The following RIN2 variants were observed in gnomAD, a reference collection of about 807,000 sequenced individuals.
The protein encoded by RIN2 is RAB5 interacting protein 2.
A neutral mutation model predicts 78.0 loss-of-function variants in RIN2; 36 were observed. That is an observed-to-expected ratio of 0.46 (90% CI 0.35 to 0.61). The LOEUF (loss-of-function observed/expected upper bound fraction) is 0.61, where lower values mean the gene tolerates loss of function less well. Among genes scored for constraint, RIN2 ranks in the 20% least tolerant of loss-of-function variants. The probability of loss-of-function intolerance (pLI) is 0.00; values close to 1 mark genes in which losing one functional copy is unlikely to be tolerated. For synonymous variants in RIN2, 466 were observed against 466.8 expected, an observed-to-expected ratio of 1.00 and a Z score of 0.02; for missense variants, 1,087 against 1,159.7, an observed-to-expected ratio of 0.94 and a Z score of 0.91.
At chr20:19,805,207 C>A (rs2035367897) in intron 2 of RIN2, among the ~76,000 whole-genome samples, 1 of 152,078 alleles carries the variant, frequency 6.6e-6, no homozygotes, top group Admixed American at 6.6e-5. Context: ...GGCAGGGATG[C>A]CCTGAAGCAC....
At chr20:19,841,375 A>T (rs1282903733) in intron 2 of RIN2, among the ~76,000 whole-genome samples, 2 of 152,096 alleles carry the variant, frequency 1.3e-5, no homozygotes, top group Admixed American at 1.3e-4. Flanking sequence ...TATTGAAGTG[A>T]ATTAAATCTA....
intron 1 of RIN2, among the ~76,000 whole-genome samples, 192 bp downstream of exon 1, chr20:19,758,519 G>A (rs2033479229): frequency 6.6e-6 from 1 of 152,218 alleles, no homozygotes; most frequent in Admixed American, 6.5e-5. Context: ...GAACGGAAGG[G>A]GGAAGGGGGA....
intron 4 of RIN2, among the ~76,000 whole-genome samples, chr20:19,947,660 A>G (rs1216618050): frequency 6.6e-6 from 1 of 152,266 alleles, no homozygotes; most frequent in African/African-American, 2.4e-5. Context: ...TTGTTTTCAT[A>G]AAAGTCTAGG....
At chr20:19,865,146 A>G (rs145675454) in intron 2 of RIN2, among the ~76,000 whole-genome samples, 21 of 152,324 alleles carry the variant, frequency 1.4e-4, no homozygotes, top group African/African-American at 5.1e-4. Context: ...TACTCCAACC[A>G]TAATCATCTT....
At chr20:19,816,647 G>T (rs534438737) in intron 2 of RIN2, among the ~76,000 whole-genome samples, 6 of 152,200 alleles carry the variant, frequency 3.9e-5, no homozygotes, top group Non-Finnish European at 8.8e-5. Context: ...CCGGGTAGAA[G>T]TTGCATGTGG....
chr20:19,796,042 G>GAAGAGAAGAGAAAGA (rs894937384), intron 1 of RIN2, among the ~76,000 whole-genome samples: 6 of 150,178 alleles, frequency 4.0e-5, no homozygotes, highest in Non-Finnish European at 8.9e-5. Context: ...AAAAAAGAAA[G>GAAGAGAAGAGAAAGA]AAGAGAAGAG....
Position 19,974,941 on chromosome 20 carries a change from T to TTC in RIN2, c.916_917insTC (p.Ser306PhefsTer42). On this transcript the variant is annotated frameshift_variant, in exon 9 of 13. Coordinates refer to ENST00000255006, the MANE Select transcript of RIN2 (RefSeq NM_018993.4). LOFTEE classifies it high-confidence loss of function. ...CGCGAATGGCACGGAGCGGACTCGG[T>TTC]CCCCCCCACCCAGGCCCCCGCCACC... 3.2e-6 allele frequency: 5 copies of TTC among 1,571,210 alleles called. No homozygotes were observed. Among genetic ancestry groups the TTC allele is most frequent in the Non-Finnish European group, 4.4e-6 (5 of 1,144,038 alleles).
chr20:19,869,823 T>TTG (rs1568558752), intron 2 of RIN2, among the ~76,000 whole-genome samples: 4 of 148,824 alleles, frequency 2.7e-5, no homozygotes, highest in African/African-American at 1.0e-4. Flanking sequence ...TTTATTTATT[T>TTG]ATTTATTTAT....
At chr20:19,983,593 T>G (rs2042529204) in intron 9 of RIN2, among the ~76,000 whole-genome samples, 1 of 134,662 alleles carries the variant, frequency 7.4e-6, no homozygotes, top group Non-Finnish European at 1.8e-5. Context: ...TTTCTACTAC[T>G]TTACCTTTTT....
Position 19,975,739 on chromosome 20 carries a change from T to C in RIN2, c.1714T>C (p.Ser572Pro), listed in dbSNP as rs1236159085. The C allele has an allele frequency of 6.2e-7, 1 of 1,613,044 alleles. No homozygotes were observed. The highest frequency in any genetic ancestry group is 8.5e-7 in the Non-Finnish European group (1 of 1,179,660). The change falls in exon 9 of 13, where the codon TCG (serine) becomes CCG (proline). Residue 572 changes from serine (S) to proline (P), a missense_variant. This residue lies in a region of RIN2 where 39 missense variants were observed against 34.9 expected (regional missense o/e 1.12). Coordinates refer to ENST00000255006, the MANE Select transcript of RIN2 (RefSeq NM_018993.4). The surrounding 1 kb of genome is among the most constrained non-coding windows in gnomAD (Gnocchi z 4.9). ...TQVKNYLSQS[S>P]ELDPPIESLI... The stretch of plus-strand genomic sequence containing the variant: ...GGTCAAGAACTATTTGTCTCAGAGC[T>C]CGGAGCTGGACCCCCCCATCGAGTC...
chr20:19,925,998 G>A (rs1026719817), intron 3 of RIN2, among the ~76,000 whole-genome samples: 1 of 152,224 alleles, frequency 6.6e-6, no homozygotes, highest in Non-Finnish European at 1.5e-5. Flanking sequence ...TATCCCTATG[G>A]TGGAAAACCG....
At chr20:19,807,514 G>T (rs2035445330) in intron 2 of RIN2, among the ~76,000 whole-genome samples, 1 of 151,944 alleles carries the variant, frequency 6.6e-6, no homozygotes, top group Non-Finnish European at 1.5e-5. Context: ...GACCTGAGCT[G>T]GGAATTGTTA....
chr20:19,953,018 A>C (rs1415507583), intron 4 of RIN2, among the ~76,000 whole-genome samples: 1 of 152,196 alleles, frequency 6.6e-6, no homozygotes, highest in Non-Finnish European at 1.5e-5. Context: ...TGTGAGTCTG[A>C]AACCAGGAAT....
intron 2 of RIN2, among the ~76,000 whole-genome samples, chr20:19,883,688 C>G (rs1488927157): frequency 1.3e-5 from 2 of 152,000 alleles, no homozygotes; most frequent in African/African-American, 4.8e-5. Context: ...ACCTGTTGCC[C>G]TCGGGTGGTC....
At chr20:19,779,108 T>C (rs918605672) in intron 1 of RIN2, among the ~76,000 whole-genome samples, 3 of 152,170 alleles carry the variant, frequency 2.0e-5, no homozygotes, top group African/African-American at 7.2e-5. Flanking sequence ...TCTTGGATCA[T>C]CACAAATCTG....
intron 5 of RIN2, among the ~76,000 whole-genome samples, chr20:19,958,885 A>G (rs561679021): frequency 6.6e-6 from 1 of 152,162 alleles, no homozygotes; most frequent in Non-Finnish European, 1.5e-5. Context: ...AAATAATTAA[A>G]TAAAATAAAG....
intron 2 of RIN2, among the ~76,000 whole-genome samples, chr20:19,867,288 A>T (rs74570946): frequency 1.3e-5 from 2 of 152,080 alleles, no homozygotes; most frequent in Non-Finnish European, 2.9e-5. Flanking sequence ...TTTAGTGTTT[A>T]CTTCTTAAGA....
At chr20:19,886,768 C>T (rs1266617570) in intron 2 of RIN2, 11 of 1,538,132 alleles carry the variant, frequency 7.2e-6, no homozygotes, top group Non-Finnish European at 9.6e-6. Context: ...ATTTCACAGC[C>T]TCTCAAACTA....
intron 4 of RIN2, chr20:19,935,737 C>A: frequency 2.2e-6 from 1 of 445,624 alleles, no homozygotes; most frequent in Non-Finnish European, 3.0e-6. Context: ...AAGGCGATAC[C>A]TGTGCACATA....
Sources: gnomAD v4.1 joint callset for allele counts (sites outside exome capture counted in the v4.1 genomes callset) on GRCh38, gnomAD v4.1.1 for gene constraint, gnomAD v4.1.1 regional missense constraint, Gnocchi (gnomAD v3.1) non-coding constraint, MANE v1.5 for transcripts, NCBI Gene and HGNC (gene_info 2026-07-23, HGNC 2026-07-21) for gene names.